Variants in TCF4 observed in about 807,000 individuals in gnomAD.
TCF4 encodes the protein transcription factor 4, also known as SL3-3 enhancer factor 2.
In TCF4, 3 loss-of-function variants were observed where a neutral mutation model predicts 82.1. The observed-to-expected ratio is 0.04, with a 90% CI of 0.02 to 0.09. TCF4 has a LOEUF of 0.09. TCF4 is among the 10% of genes least tolerant of loss of function. The pLI, the probability that TCF4 is intolerant of heterozygous loss-of-function variation, is 1.00. For missense variants in TCF4, 518 were observed against 852.7 expected, an observed-to-expected ratio of 0.61 and a Z score of 4.89; for synonymous variants, 276 against 309.6, an observed-to-expected ratio of 0.89 and a Z score of 1.14.
chr18:55,334,967 A>G (rs1005207348), intron 8 of TCF4, among the ~76,000 whole-genome samples: 2 of 152,244 alleles, frequency 1.3e-5, no homozygotes, highest in African/African-American at 2.4e-5. Context: ...AAATTTAATC[A>G]TAAAATCAAT....
chr18:55,530,561 A>G lies in TCF4; in HGVS notation c.145+54719T>C, dbSNP rs371597850. On this transcript the variant is annotated intron_variant, in intron 3 of 19. Transcript: ENST00000354452. ...TGAAGGAGGGGAGGTGGCCCTGAAA[A>G]GGGGGGGGGAAACAGCTAAGGGGGA... Among the ~76,000 whole-genome samples, 876 of 106,450 alleles carry G rather than the reference A, an allele frequency of 8.2e-3. 7 individuals are homozygous for G. Among genetic ancestry groups the G allele is most frequent in the South Asian group, 0.025 (63 of 2,504 alleles). 69.8% of individuals were successfully genotyped at this position (106,450 alleles called of 152,430 possible). A position where few individuals can be genotyped will look rare whatever the true frequency, so the allele number is the denominator to read the frequency against.
At chr18:55,505,798 C>T (rs1365614028) in intron 3 of TCF4, among the ~76,000 whole-genome samples, 6 of 114,544 alleles carry the variant, frequency 5.2e-5, no homozygotes, top group Non-Finnish European at 1.1e-4. Context: ...AGCGAGACTC[C>T]GTCTCAAAAA....
At chr18:55,270,460 T>G (rs2060113633) in intron 10 of TCF4, among the ~76,000 whole-genome samples, 1 of 152,154 alleles carries the variant, frequency 6.6e-6, no homozygotes, top group African/African-American at 2.4e-5. Context: ...TAAATTTTTT[T>G]GAACCCCAGC....
chr18:55,291,550 T>C (rs547262438), intron 8 of TCF4, among the ~76,000 whole-genome samples: 6 of 152,284 alleles, frequency 3.9e-5, no homozygotes, highest in African/African-American at 1.4e-4. Flanking sequence ...TCAAAACATA[T>C]GGCCCTAACT....
chr18:55,631,226 T>C, intron 2 of TCF4: 3 of 650,620 alleles, frequency 4.6e-6, no homozygotes. Flanking sequence ...ATTTCTGTGT[T>C]TTTAGTAGAG....
chr18:55,312,553 A>G (rs903356862), intron 8 of TCF4, among the ~76,000 whole-genome samples: 8 of 152,164 alleles, frequency 5.3e-5, no homozygotes, highest in African/African-American at 1.9e-4. Flanking sequence ...TCTCTAGTCT[A>G]GAGGTTAGGA....
chr18:55,387,933 G>A (rs950382266), intron 6 of TCF4, among the ~76,000 whole-genome samples: 1 of 152,152 alleles, frequency 6.6e-6, no homozygotes, highest in African/African-American at 2.4e-5. Context: ...TACTTGTATT[G>A]TGTGGCTGTG....
intron 8 of TCF4, among the ~76,000 whole-genome samples, chr18:55,309,004 T>A (rs988688835): frequency 1.3e-5 from 2 of 152,234 alleles, no homozygotes; most frequent in African/African-American, 4.8e-5. Context: ...TGATCATATA[T>A]GAAAACTCAG....
chr18:55,273,188 C>A (rs2060745068), intron 10 of TCF4, among the ~76,000 whole-genome samples: 1 of 152,140 alleles, frequency 6.6e-6, no homozygotes, highest in Non-Finnish European at 1.5e-5. Flanking sequence ...AAAGACTAAA[C>A]ATCAGTAACT....
intron 6 of TCF4, among the ~76,000 whole-genome samples, chr18:55,373,152 A>T (rs1280668715): frequency 6.6e-6 from 1 of 152,004 alleles, no homozygotes; most frequent in Admixed American, 6.6e-5. Flanking sequence ...GTGTATAACA[A>T]ACCATCAAAA....
intron 18 of TCF4, 138 bp from the exon 19 acceptor site, chr18:55,228,499 T>A: frequency 1.6e-6 from 2 of 1,243,740 alleles, no homozygotes; most frequent in Non-Finnish European, 2.3e-6. Flanking sequence ...CTAAGTACTG[T>A]GGCAATCCAT....
intron 6 of TCF4, among the ~76,000 whole-genome samples, chr18:55,395,070 AG>A (rs769910817): frequency 9.2e-5 from 14 of 152,308 alleles, no homozygotes; most frequent in Non-Finnish European, 2.1e-4. Flanking sequence ...TTCAGTAAAA[AG>A]CTCTCAACAA....
At chr18:55,257,777 G>A (rs1190710569) in intron 13 of TCF4, among the ~76,000 whole-genome samples, 3 of 152,042 alleles carry the variant, frequency 2.0e-5, no homozygotes, top group Admixed American at 6.6e-5. Context: ...CAAAATTCTC[G>A]CACCAGTGGA....
At chr18:55,294,133 G>A (rs1397347347) in intron 8 of TCF4, among the ~76,000 whole-genome samples, 2 of 151,016 alleles carry the variant, frequency 1.3e-5, no homozygotes, top group African/African-American at 4.9e-5. Flanking sequence ...GGTGGTGGGT[G>A]CCTGTAATCC....
chr18:55,235,070 G>A (rs1032626334), intron 15 of TCF4, among the ~76,000 whole-genome samples: 4 of 151,876 alleles, frequency 2.6e-5, no homozygotes, highest in Non-Finnish European at 5.9e-5. Context: ...CATTGCTATC[G>A]GAAATCCTAC....
intron 8 of TCF4, among the ~76,000 whole-genome samples, chr18:55,305,919 G>C (rs1293685514): frequency 6.6e-6 from 1 of 152,176 alleles, no homozygotes; most frequent in African/African-American, 2.4e-5. Context: ...CAAAGATACA[G>C]AGGTGAACTA....
chr18:55,434,942 A>G (rs1306722274), intron 5 of TCF4, among the ~76,000 whole-genome samples: 1 of 152,112 alleles, frequency 6.6e-6, no homozygotes, highest in African/African-American at 2.4e-5. Context: ...AAACAATACA[A>G]TTATACTCTT....
chr18:55,589,922 C>T (rs957258023), upstream of TCF4: 2 of 778,010 alleles, frequency 2.6e-6, no homozygotes, highest in Non-Finnish European at 3.1e-6. Context: ...GCCAAGATGG[C>T]GGTGCTGGTC....
At chr18:55,617,557 C>T (rs1279698556) in intron 2 of TCF4, among the ~76,000 whole-genome samples, 2 of 152,090 alleles carry the variant, frequency 1.3e-5, no homozygotes, top group South Asian at 4.1e-4. Context: ...GTCTTCCAAT[C>T]CATGAATATG....
Sources: gnomAD v4.1 joint callset for allele counts (sites outside exome capture counted in the v4.1 genomes callset) on GRCh38, gnomAD v4.1.1 for gene constraint, MANE v1.5 for transcripts, NCBI Gene and HGNC (gene_info 2026-07-23, HGNC 2026-07-21) for gene names.